The following DAAM1 variants were observed in gnomAD, a reference collection of about 807,000 sequenced individuals.
DAAM1 encodes dishevelled associated activator of morphogenesis 1, also known as disheveled-associated activator of morphogenesis 1.
A neutral mutation model predicts 130.0 loss-of-function variants in DAAM1; 52 were observed. That is an observed-to-expected ratio of 0.40 (90% CI 0.32 to 0.50). The LOEUF (loss-of-function observed/expected upper bound fraction) is 0.50. DAAM1 is among the 20% of genes least tolerant of loss of function. DAAM1 has a pLI of 0.61. For synonymous variants in DAAM1, 452 were observed against 444.5 expected (o/e 1.02, Z -0.21); for missense variants, 1,134 against 1,303.8 (o/e 0.87, Z 2.01).
At chr14:59,306,147 A>G (rs1380172758) in intron 3 of DAAM1, among the ~76,000 whole-genome samples, 1 of 152,052 alleles carries the variant, frequency 6.6e-6, no homozygotes, top group Admixed American at 6.6e-5. Flanking sequence ...TTTTGTAGCT[A>G]TACTTGCAAA....
chr14:59,189,001 T>C (rs1444289746), intron 1 of DAAM1, among the ~76,000 whole-genome samples: 1 of 151,782 alleles, frequency 6.6e-6, no homozygotes, highest in African/African-American at 2.4e-5. Context: ...GGTGGGAAAA[T>C]GGCTGCAGCG....
At chr14:59,332,815 G>A (rs1207865266) in intron 15 of DAAM1, among the ~76,000 whole-genome samples, 1 of 152,192 alleles carries the variant, frequency 6.6e-6, no homozygotes, top group African/African-American at 2.4e-5. Context: ...AAGTATGACT[G>A]AAGAGGTGGA....
chr14:59,266,461 A>G (rs1489196024), intron 2 of DAAM1, among the ~76,000 whole-genome samples: 1 of 152,216 alleles, frequency 6.6e-6, no homozygotes, highest in Non-Finnish European at 1.5e-5. Context: ...CTGTATTCAT[A>G]AGGGAGAAAA....
At chr14:59,349,717 C>A (rs1314589875) in intron 17 of DAAM1, among the ~76,000 whole-genome samples, 1 of 152,198 alleles carries the variant, frequency 6.6e-6, no homozygotes, top group African/African-American at 2.4e-5. Flanking sequence ...GAACACATAT[C>A]TTTATCCTTA....
chr14:59,213,273 C>T (rs769085469), intron 1 of DAAM1, among the ~76,000 whole-genome samples: 1 of 146,964 alleles, frequency 6.8e-6, no homozygotes, highest in Non-Finnish European at 1.5e-5. Context: ...CTTTAAGCAG[C>T]CTGTCTGCTT....
intron 3 of DAAM1, among the ~76,000 whole-genome samples, chr14:59,297,168 A>AG (rs923463414): frequency 1.3e-4 from 20 of 152,270 alleles, no homozygotes; most frequent in African/African-American, 4.3e-4. Context: ...CTAGGACTGA[A>AG]GGGCTAACTC....
At chr14:59,233,890 G>C (rs961726410) in intron 1 of DAAM1, among the ~76,000 whole-genome samples, 3 of 152,140 alleles carry the variant, frequency 2.0e-5, no homozygotes, top group African/African-American at 4.8e-5. Context: ...GATAGAGAAT[G>C]CTTTTCCCAT....
chr14:59,366,382 T>G (rs902280811), intron 23 of DAAM1, among the ~76,000 whole-genome samples: 2 of 152,170 alleles, frequency 1.3e-5, no homozygotes, highest in African/African-American at 4.8e-5. Flanking sequence ...ATCTTAACAA[T>G]AGCAGCATTA....
intron 21 of DAAM1, among the ~76,000 whole-genome samples, chr14:59,359,711 G>A (rs535769833): frequency 6.6e-6 from 1 of 152,294 alleles, no homozygotes; most frequent in Non-Finnish European, 1.5e-5. Context: ...AATACTGCAT[G>A]CAATTTTTAA....
intron 1 of DAAM1, among the ~76,000 whole-genome samples, chr14:59,232,343 C>T (rs1303494363): frequency 6.6e-6 from 1 of 152,132 alleles, no homozygotes; most frequent in African/African-American, 2.4e-5. Flanking sequence ...TATCAGAGAA[C>T]CTCTCTGTCT....
In DAAM1 at chr14:59,323,203, C is replaced by T; in HGVS notation, c.752C>T (p.Ala251Val). Reference protein sequence around the residue: ...LQAMLHYQKYASERTRFQTLI... With the variant: ...LQAMLHYQKYVSERTRFQTLI... ...GCCATGCTGCACTACCAGAAGTATG[C>T]CAGCGAAAGGACCCGCTTTCAGGTG... The change falls in exon 6 of 25, where the codon GCC becomes GTC. Residue 251 changes from alanine to valine, a missense_variant. Physicochemically the swap from Ala to Val is moderately conservative, Grantham distance 64. Coordinates refer to ENST00000360909, the MANE Select transcript of DAAM1 (RefSeq NM_001270520.2). 1 of 1,608,478 alleles carries T rather than the reference C, an allele frequency of 6.2e-7. No homozygotes were observed. The highest frequency in any genetic ancestry group is 2.2e-5 in the East Asian group (1 of 44,644).
At chr14:59,285,552 A>G (rs1258009134) in intron 2 of DAAM1, among the ~76,000 whole-genome samples, 3 of 152,300 alleles carry the variant, frequency 2.0e-5, no homozygotes, top group African/African-American at 7.2e-5. Flanking sequence ...CTCACAAGTA[A>G]TGGTGCTGAT....
intron 1 of DAAM1, among the ~76,000 whole-genome samples, chr14:59,191,615 A>G (rs957755425): frequency 6.6e-5 from 10 of 152,308 alleles, no homozygotes; most frequent in African/African-American, 1.4e-4. Context: ...TGAAATAGAC[A>G]TATTTCCTAA....
chr14:59,324,581 G>T, intron 8 of DAAM1, 127 bp downstream of exon 8: 1 of 452,262 alleles, frequency 2.2e-6, no homozygotes, highest in Non-Finnish European at 3.7e-6. Flanking sequence ...GTATCAGAAT[G>T]TTAGTTCAGC....
In DAAM1 at chr14:59,353,546, T is replaced by A. The variant is rs557318327; in HGVS notation, c.2268-330T>A. ...TTTATCTCTTCTATGCTCAAAAGAG[T>A]TCCTGGGACTCTGAGGGAGGAGAGA... On this transcript the variant is annotated intron_variant, in intron 18 of 24. Transcript: ENST00000360909. Among the ~76,000 whole-genome samples the A allele has an allele frequency of 1.6e-3, 251 of 152,286 alleles. 2 individuals carry two copies. Among genetic ancestry groups the A allele is most frequent in the African/African-American group, 5.8e-3 (239 of 41,558 alleles).
intron 20 of DAAM1, among the ~76,000 whole-genome samples, chr14:59,357,943 C>T (rs1451958898): frequency 1.3e-5 from 2 of 152,122 alleles, no homozygotes; most frequent in Admixed American, 1.3e-4. Context: ...CTATGAAATG[C>T]AAGGGTAAAG....
chr14:59,338,298 CTGCTTTGACTTTCCCCCATTTGT>C, intron 15 of DAAM1: 1 of 1,328,782 alleles, frequency 7.5e-7, no homozygotes, highest in South Asian at 1.2e-5. Context: ...GTTTCCTTGA[CTGCTTTGACTTTCCCCCATTTGT>C]TGCTGTGACT....
chr14:59,344,531 T>C (rs773683031), intron 16 of DAAM1, among the ~76,000 whole-genome samples: 36 of 152,208 alleles, frequency 2.4e-4, no homozygotes, highest in Non-Finnish European at 4.4e-4. Flanking sequence ...CTCTGCAACC[T>C]ATAGAACCAT....
intron 2 of DAAM1, among the ~76,000 whole-genome samples, chr14:59,268,985 T>C (rs1182126915): frequency 6.6e-6 from 1 of 152,242 alleles, no homozygotes; most frequent in Non-Finnish European, 1.5e-5. Flanking sequence ...AACTTTTTTA[T>C]GTTAGCAATA....
Sources: gnomAD v4.1 joint callset for allele counts (sites outside exome capture counted in the v4.1 genomes callset) on GRCh38, gnomAD v4.1.1 for gene constraint, MANE v1.5 for transcripts, NCBI Gene and HGNC (gene_info 2026-07-23, HGNC 2026-07-21) for gene names.